MCCC1: variants seen among roughly 807,000 people sequenced by gnomAD.
MCCC1 encodes the protein methylcrotonoyl-CoA carboxylase subunit alpha, mitochondrial.
In MCCC1, 64 loss-of-function variants were observed where a neutral mutation model predicts 83.8. That is an observed-to-expected ratio of 0.76 (90% CI 0.62 to 0.94). MCCC1 has a LOEUF of 0.94. Ranked by LOEUF, MCCC1 falls within the 40% of genes least tolerant of loss-of-function variation. The pLI is 0.00. For synonymous variants in MCCC1, 322 were observed against 315.4 expected, an observed-to-expected ratio of 1.02 and a Z score of -0.22; for missense variants, 807 against 904.7, an observed-to-expected ratio of 0.89 and a Z score of 1.39.
At chr3:183,044,591 T>G (rs1009162220) in intron 10 of MCCC1, among the ~76,000 whole-genome samples, 2 of 152,170 alleles carry the variant, frequency 1.3e-5, no homozygotes, top group African/African-American at 4.8e-5. Flanking sequence ...TCATCTTGCC[T>G]AGTATCTGCC....
At chr3:183,099,697 C>T (rs1266007472), upstream of MCCC1, 1 of 585,432 alleles carries the variant, frequency 1.7e-6, no homozygotes, top group East Asian at 2.8e-5. Flanking sequence ...TCTGCGTCCC[C>T]TGGGGCCTGC....
chr3:183,057,645 A>C (rs1388507561), intron 7 of MCCC1, among the ~76,000 whole-genome samples: 1 of 152,228 alleles, frequency 6.6e-6, no homozygotes, highest in Non-Finnish European at 1.5e-5. Context: ...TTGGGTGCCA[A>C]GGCAGGCAGA....
intron 16 of MCCC1, among the ~76,000 whole-genome samples, chr3:183,020,505 G>A (rs879755372): frequency 6.6e-6 from 1 of 152,060 alleles, no homozygotes; most frequent in East Asian, 1.9e-4. Flanking sequence ...AGTGGTACGC[G>A]CCTATAGTCC....
At chr3:183,028,298 T>G (rs1712774515) in intron 14 of MCCC1, among the ~76,000 whole-genome samples, 1 of 152,186 alleles carries the variant, frequency 6.6e-6, no homozygotes, top group Admixed American at 6.5e-5. Flanking sequence ...ATAAAAAGAT[T>G]CCTTTCAAAA....
rs550862869 is a variant in MCCC1, at chr3:183,033,789, G to A, written c.1681+202C>T. On this transcript the variant is annotated intron_variant, in intron 14 of 18. Transcript: ENST00000265594. Reference sequence around the variant, plus strand: ...AATATTTACAAAATTTTTAAAAAGTGTAAAGAAGAAAAGCAAATACCATCA... The same window carrying A: ...AATATTTACAAAATTTTTAAAAAGTATAAAGAAGAAAAGCAAATACCATCA... 5.9e-5 allele frequency among the ~76,000 whole-genome samples: 9 copies of A among 152,196 alleles called. No individual in the cohort carries two copies. The East Asian group carries it at 1.7e-3, about 29-fold the overall frequency.
intron 10 of MCCC1, among the ~76,000 whole-genome samples, chr3:183,042,798 C>G (rs947165358): frequency 2.0e-5 from 3 of 152,224 alleles, no homozygotes; most frequent in African/African-American, 7.2e-5. Flanking sequence ...AAGTGTCTGG[C>G]ATACAGTCAG....
upstream of MCCC1, among the ~76,000 whole-genome samples, chr3:183,101,272 G>A (rs1301955600): frequency 6.6e-6 from 1 of 152,262 alleles, no homozygotes; most frequent in Non-Finnish European, 1.5e-5. Context: ...CCCAAGAGCT[G>A]AGGAATGCGA....
chr3:183,114,253 C>CT (rs1340101816), intron 1 of MCCC1, among the ~76,000 whole-genome samples: 1 of 152,288 alleles, frequency 6.6e-6, no homozygotes, highest in Middle Eastern at 3.4e-3. Flanking sequence ...ATCCTTTTAC[C>CT]TTTTTGACTA....
At chr3:183,101,168 C>T (rs1169624138), upstream of MCCC1, among the ~76,000 whole-genome samples, 1 of 152,262 alleles carries the variant, frequency 6.6e-6, no homozygotes. Flanking sequence ...CCCGCCATGC[C>T]TGAACCTCCC....
At chr3:183,102,785 TTTTTTTTTTTTTTTTTTTTG>T (rs1719337919), upstream of MCCC1, among the ~76,000 whole-genome samples, 4 of 113,544 alleles carry the variant, frequency 3.5e-5, no homozygotes, top group African/African-American at 1.1e-4. Context: ...TTTTTTTTTT[TTTTTTTTTTTTTTTTTTTTG>T]AGACGAAGTC....
chr3:183,051,102 G>A (rs1008907999), intron 9 of MCCC1, among the ~76,000 whole-genome samples: 7 of 152,182 alleles, frequency 4.6e-5, no homozygotes, highest in Non-Finnish European at 2.9e-5. Flanking sequence ...CTTTAGAATA[G>A]AGTTTGTCAG....
intron 4 of MCCC1, among the ~76,000 whole-genome samples, chr3:183,076,360 G>C (rs558531357): frequency 8.5e-5 from 13 of 152,250 alleles, no homozygotes; most frequent in Middle Eastern, 3.4e-3. Context: ...GAGTGTGTCA[G>C]TAGCTCATTT....
chr3:183,092,343 A>G (rs1252465938), intron 3 of MCCC1, 66 bp downstream of exon 3: 12 of 1,605,568 alleles, frequency 7.5e-6, no homozygotes, highest in Middle Eastern at 1.7e-4. Flanking sequence ...GTCATCATAA[A>G]GAACGAAAAT....
At chr3:183,034,226 G>A (rs1380146169) in intron 13 of MCCC1, 149 bp from the exon 14 acceptor site, 7 of 608,556 alleles carry the variant, frequency 1.2e-5, no homozygotes, top group African/African-American at 5.5e-5. Context: ...CAAGGCGGGC[G>A]GATCATGAGG....
chr3:183,077,789 T>C (rs982965896), intron 4 of MCCC1, among the ~76,000 whole-genome samples: 4 of 152,184 alleles, frequency 2.6e-5, no homozygotes, highest in Non-Finnish European at 5.9e-5. Context: ...TTGTTTAAGG[T>C]GTGAGGCAAG....
At chr3:183,092,601 G>A in intron 2 of MCCC1, 56 bp from the exon 3 acceptor site, 1 of 1,607,922 alleles carries the variant, frequency 6.2e-7, no homozygotes, top group East Asian at 2.2e-5. Flanking sequence ...CAAAGAATGA[G>A]AATGAGAATA....
At chr3:183,049,691 T>G (rs1388014264) in intron 9 of MCCC1, among the ~76,000 whole-genome samples, 1 of 152,050 alleles carries the variant, frequency 6.6e-6, no homozygotes, top group African/African-American at 2.4e-5. Context: ...AGAGGTCTAT[T>G]ACTACAGGTC....
rs1714101430 is a variant in MCCC1 at position 183,041,698 on chromosome 3, C to G, written c.1136G>C (p.Gly379Ala). 1 of 1,614,066 alleles carries G rather than the reference C, an allele frequency of 6.2e-7. No homozygotes were observed. Among genetic ancestry groups the G allele is most frequent in the Non-Finnish European group, 8.5e-7 (1 of 1,180,050 alleles). The change falls in exon 11 of 19, where the codon GGC (glycine) becomes GCC (alanine). Residue 379 changes from glycine to alanine, a missense_variant. Transcript: ENST00000265594. Reference sequence around the variant, plus strand: ...ATATATTCTAGCTTCGAAGGCATGGCCCTGCAGAGTTATTTCTTCCTGGCT... The same window carrying G: ...ATATATTCTAGCTTCGAAGGCATGGGCCTGCAGAGTTATTTCTTCCTGGCT... ...PLSQEEITLQ[G>A]HAFEARIYAE... is the part of the protein sequence containing the mutation.
In MCCC1 at chr3:183,053,602, C is replaced by T. The variant is rs564217535; in HGVS notation, c.874-1362G>A. 5.3e-5 allele frequency among the ~76,000 whole-genome samples: 8 copies of T among 151,514 alleles called. No homozygotes were observed. In the South Asian group the frequency reaches 1.3e-3, roughly 24 times the overall value. ...TGGGCGGATCATGAAGTCAGGAGTTCGAGACCAGCCTGGCCAACATAGTGA... is the reference window on the plus strand; with the variant it reads ...TGGGCGGATCATGAAGTCAGGAGTTTGAGACCAGCCTGGCCAACATAGTGA... On this transcript the variant is annotated intron_variant, in intron 8 of 18. Coordinates refer to ENST00000265594, the MANE Select transcript of MCCC1 (RefSeq NM_020166.5).
Sources: allele counts gnomAD v4.1 joint callset (sites outside exome capture counted in the v4.1 genomes callset), GRCh38; gene constraint gnomAD v4.1.1; transcripts MANE v1.5; gene names NCBI Gene and HGNC (gene_info 2026-07-23, HGNC 2026-07-21).